Variants in ZFHX3 observed in about 807,000 individuals in gnomAD.
ZFHX3 encodes zinc finger homeobox protein 3.
A neutral mutation model predicts 279.1 loss-of-function variants in ZFHX3; 42 were observed. The ratio of observed to expected loss-of-function variants is 0.15; its 90% CI spans 0.12 to 0.19. ZFHX3 has a LOEUF of 0.19. Ranked by LOEUF, ZFHX3 falls within the 10% of genes least tolerant of loss-of-function variation. ZFHX3 has a pLI of 1.00. For synonymous variants in ZFHX3, 2,293 were observed against 1,957.8 expected, an observed-to-expected ratio of 1.17 and a Z score of -4.52; for missense variants, 4,981 against 4,754.0, an observed-to-expected ratio of 1.05 and a Z score of -1.40.
At chr16:73,488,562 G>C (rs1407021702) in intron 2 of ZFHX3, among the ~76,000 whole-genome samples, 6 of 152,140 alleles carry the variant, frequency 3.9e-5, no homozygotes, top group African/African-American at 1.4e-4. Context: ...GGGATCCTGG[G>C]CAAATAAACA....
chr16:73,670,666 A>C (rs2052895762), intron 2 of ZFHX3, among the ~76,000 whole-genome samples: 1 of 152,194 alleles, frequency 6.6e-6, no homozygotes, highest in African/African-American at 2.4e-5. Context: ...AAAACAGGAA[A>C]AACTAACAAA....
intron 2 of ZFHX3, among the ~76,000 whole-genome samples, chr16:73,596,995 G>A (rs753337348): frequency 6.6e-6 from 1 of 152,190 alleles, no homozygotes; most frequent in Non-Finnish European, 1.5e-5. Flanking sequence ...TTTTAGCTAG[G>A]CATTGATGGT....
At chr16:73,807,812 C>G (rs971088813) in intron 1 of ZFHX3, among the ~76,000 whole-genome samples, 1 of 151,736 alleles carries the variant, frequency 6.6e-6, no homozygotes, top group Non-Finnish European at 1.5e-5. Context: ...ACCTACCCAC[C>G]CATTCACGCG....
At chr16:73,397,327 T>C (rs1360583445) in intron 3 of ZFHX3, among the ~76,000 whole-genome samples, 3 of 152,138 alleles carry the variant, frequency 2.0e-5, no homozygotes, top group African/African-American at 7.2e-5. Flanking sequence ...GTCTGAGGAA[T>C]AGAAGAGTGG....
intron 5 of ZFHX3, among the ~76,000 whole-genome samples, chr16:73,156,721 A>G (rs1422381823): frequency 8.3e-6 from 1 of 120,912 alleles, no homozygotes; most frequent in Non-Finnish European, 1.7e-5. Context: ...ATGTCTGGCT[A>G]ATTTTTTTTT....
intron 2 of ZFHX3, among the ~76,000 whole-genome samples, chr16:73,580,599 C>CT (rs199832431): frequency 1.0e-4 from 15 of 150,130 alleles, no homozygotes; most frequent in African/African-American, 1.7e-4. Flanking sequence ...AGGATAAACG[C>CT]TTTTTTTTTG....
chr16:72,857,164 A>T (rs965888564), intron 4 of ZFHX3, among the ~76,000 whole-genome samples: 1 of 152,226 alleles, frequency 6.6e-6, no homozygotes, highest in Non-Finnish European at 1.5e-5. Flanking sequence ...ATGGCCTCAT[A>T]CATTGCCTAG....
chr16:73,474,559 TG>T (rs1299737006), intron 2 of ZFHX3, among the ~76,000 whole-genome samples: 4 of 152,042 alleles, frequency 2.6e-5, no homozygotes, highest in Non-Finnish European at 5.9e-5. Context: ...GAAGCAGTGG[TG>T]GGGGTGGCAG....
intron 1 of ZFHX3, among the ~76,000 whole-genome samples, chr16:73,725,421 A>T (rs67111518): frequency 0.056 from 8,543 of 152,144 alleles, 332 homozygotes; most frequent in African/African-American, 0.1. Flanking sequence ...AAGACCCAGG[A>T]GATGATAAGC....
intron 4 of ZFHX3, among the ~76,000 whole-genome samples, chr16:72,855,597 T>G (rs1358863531): frequency 6.6e-6 from 1 of 151,870 alleles, no homozygotes; most frequent in African/African-American, 2.4e-5. Context: ...GAGGGAGGAG[T>G]GAAAGAAAGG....
At chr16:73,404,207 C>T (rs1448801993) in intron 3 of ZFHX3, among the ~76,000 whole-genome samples, 1 of 152,146 alleles carries the variant, frequency 6.6e-6, no homozygotes, top group South Asian at 2.1e-4. Flanking sequence ...CCTCAACCCA[C>T]TTAGCTCAGT....
chr16:73,131,409 A>C (rs989434808), intron 6 of ZFHX3, among the ~76,000 whole-genome samples: 1 of 152,232 alleles, frequency 6.6e-6, no homozygotes, highest in Non-Finnish European at 1.5e-5. Flanking sequence ...CAGAGGAGGA[A>C]ATGAAAAAGC....
At chr16:72,822,864 C>A (rs2036834808) in intron 5 of ZFHX3, among the ~76,000 whole-genome samples, 1 of 125,626 alleles carries the variant, frequency 8.0e-6, no homozygotes. Context: ...AATATTTGTT[C>A]AACTGATGTG....
At chr16:72,823,890 T>C (rs2036864604) in intron 5 of ZFHX3, among the ~76,000 whole-genome samples, 1 of 152,152 alleles carries the variant, frequency 6.6e-6, no homozygotes, top group South Asian at 2.1e-4. Flanking sequence ...CCTGTATTTT[T>C]CCTAACACGT....
chr16:73,530,214 A>T (rs574621428), intron 2 of ZFHX3, among the ~76,000 whole-genome samples: 1 of 152,146 alleles, frequency 6.6e-6, no homozygotes, highest in Non-Finnish European at 1.5e-5. Context: ...TTATAAAATA[A>T]TCAGATCTCG....
At chr16:73,784,802 T>TATAC (rs1959592294) in intron 1 of ZFHX3, among the ~76,000 whole-genome samples, 1 of 122,904 alleles carries the variant, frequency 8.1e-6, no homozygotes, top group South Asian at 2.3e-4. Flanking sequence ...AAAAAATATA[T>TATAC]ATATATATAT....
chr16:73,061,852 C>T (rs940570323), upstream of ZFHX3: 5 of 152,068 alleles, frequency 3.3e-5, no homozygotes, highest in African/African-American at 4.8e-5. Flanking sequence ...TTATATAAAA[C>T]GGTGCGGAGG....
chr16:73,679,699 A>G (rs960105589), intron 2 of ZFHX3: 3 of 152,194 alleles, frequency 2.0e-5, no homozygotes, highest in Admixed American at 6.5e-5. Context: ...TTGTAGAACA[A>G]TCAGAATCCA....
At chr16:73,635,786 A>G (rs1223561503) in intron 2 of ZFHX3, among the ~76,000 whole-genome samples, 2 of 152,138 alleles carry the variant, frequency 1.3e-5, no homozygotes, top group South Asian at 4.1e-4. Context: ...TTTTCCAATA[A>G]TAGACACTTC....
Sources: allele counts gnomAD v4.1 joint callset (sites outside exome capture counted in the v4.1 genomes callset), GRCh38; gene constraint gnomAD v4.1.1; transcripts MANE v1.5; gene names NCBI Gene and HGNC (gene_info 2026-07-23, HGNC 2026-07-21).